The following RBM6 variants were observed in gnomAD, a reference collection of about 807,000 sequenced individuals.
RBM6 encodes the protein RNA binding motif protein 6.
In RBM6, 23 loss-of-function variants were observed where a neutral mutation model predicts 140.4. That is an observed-to-expected ratio of 0.16 (90% CI 0.12 to 0.23). The LOEUF is 0.23. Among genes scored for constraint, RBM6 ranks in the 10% least tolerant of loss-of-function variants. RBM6 has a pLI of 1.00. For synonymous variants in RBM6, 439 were observed against 475.6 expected (o/e 0.92, Z 1.00); for missense variants, 1,139 against 1,386.7 (o/e 0.82, Z 2.84).
intron 15 of RBM6, among the ~76,000 whole-genome samples, chr3:50,064,787 C>T (rs1157223631): frequency 6.6e-6 from 1 of 152,202 alleles, no homozygotes; most frequent in Non-Finnish European, 1.5e-5. Flanking sequence ...ATTCTCCTGC[C>T]TCAGCCTCCC....
At chr3:50,051,942 G>A (rs1396476308) in intron 7 of RBM6, among the ~76,000 whole-genome samples, 1 of 152,166 alleles carries the variant, frequency 6.6e-6, no homozygotes, top group Non-Finnish European at 1.5e-5. Context: ...GAATGGGGGA[G>A]GTAACTCCAC....
At chr3:50,058,591 A>G in intron 10 of RBM6, 29 bp downstream of exon 10, 4 of 1,568,144 alleles carry the variant, frequency 2.6e-6, no homozygotes, top group Non-Finnish European at 2.6e-6. Flanking sequence ...GGATTGGCCT[A>G]GAGACAGATG....
chr3:50,054,050 G>A (rs1183434171), intron 7 of RBM6: 2 of 326,120 alleles, frequency 6.1e-6, no homozygotes, highest in African/African-American at 4.2e-5. Context: ...CCATGTAACA[G>A]TAGTTTTCTA....
intron 5 of RBM6, among the ~76,000 whole-genome samples, chr3:49,985,083 G>A (rs2085499023): frequency 6.6e-6 from 1 of 152,162 alleles, no homozygotes. Context: ...CAAATGCTCA[G>A]GTAGCCTTGG....
intron 6 of RBM6, among the ~76,000 whole-genome samples, chr3:50,006,542 A>C (rs1173826495): frequency 6.6e-6 from 1 of 152,136 alleles, no homozygotes; most frequent in Non-Finnish European, 1.5e-5. Context: ...TCACTTTCTA[A>C]GGTGTACTTG....
chr3:50,064,287 A>T (rs2090043797), intron 15 of RBM6, among the ~76,000 whole-genome samples: 1 of 151,714 alleles, frequency 6.6e-6, no homozygotes, highest in Non-Finnish European at 1.5e-5. Context: ...GAGGAGAGAG[A>T]GTGTGTGTGT....
chr3:50,041,793 G>C (rs2088934936), intron 6 of RBM6, among the ~76,000 whole-genome samples: 1 of 152,130 alleles, frequency 6.6e-6, no homozygotes, highest in Non-Finnish European at 1.5e-5. Flanking sequence ...AGAAACAAGG[G>C]CTTTGTGGCA....
chr3:50,075,353 G>A (rs781607177), intron 20 of RBM6, 23 bp downstream of exon 20: 1 of 1,603,268 alleles, frequency 6.2e-7, no homozygotes, highest in Non-Finnish European at 8.5e-7. Flanking sequence ...CCATCTTTTG[G>A]GGGGTGACAT....
Position 49,972,120 on chromosome 3 carries a change from G to A in RBM6, c.1385G>A (p.Gly462Glu). Residue 462 changes from glycine (G) to glutamate (E), a missense_variant, in exon 4 of 21, where the codon GGG (glycine) becomes GAG (glutamate). By Grantham distance (98) the Gly-to-Glu change is moderately conservative (BLOSUM62 -2). Transcript: ENST00000266022. The stretch of plus-strand genomic sequence containing the variant: ...CCCAGCAGGCTTATTCGATTAAGTG[G>A]GGTACCTGAAGATGCCACAAAAGAA... ...EKPSRLIRLS[G>E]VPEDATKEEI... 6.2e-7 allele frequency: 1 copy of A among 1,612,974 alleles called. No individual in the cohort carries two copies. The highest frequency in any genetic ancestry group is 8.5e-7 in the Non-Finnish European group (1 of 1,179,142).
chr3:49,963,295 G>A (rs2108620693), intron 2 of RBM6, among the ~76,000 whole-genome samples: 1 of 151,828 alleles, frequency 6.6e-6, no homozygotes, highest in African/African-American at 2.4e-5. Context: ...GTGCAGTGGT[G>A]CGATCTTGAC....
chr3:49,990,752 T>C (rs1173948084), intron 5 of RBM6, among the ~76,000 whole-genome samples: 1 of 152,132 alleles, frequency 6.6e-6, no homozygotes, highest in Non-Finnish European at 1.5e-5. Context: ...TTCAGTGGTA[T>C]TTGCTTGACC....
At chr3:50,015,268 C>G (rs777778770) in intron 6 of RBM6, among the ~76,000 whole-genome samples, 2 of 150,948 alleles carry the variant, frequency 1.3e-5, no homozygotes, top group African/African-American at 4.9e-5. Context: ...CCACCACGCC[C>G]GGCTAATTTT....
chr3:50,039,485 C>T (rs1448744537), intron 6 of RBM6, among the ~76,000 whole-genome samples: 1 of 14,232 alleles, frequency 7.0e-5, no homozygotes, highest in South Asian at 0.017. Context: ...GTGATCCACC[C>T]CCCCCCCCCC....
At chr3:49,982,450 T>C (rs1360628565) in intron 5 of RBM6, among the ~76,000 whole-genome samples, 1 of 151,852 alleles carries the variant, frequency 6.6e-6, no homozygotes, top group Non-Finnish European at 1.5e-5. Context: ...GTTTCACTCT[T>C]GTTGCCCAGG....
At chr3:50,034,150 A>C (rs1468932272) in intron 6 of RBM6, among the ~76,000 whole-genome samples, 2 of 134,892 alleles carry the variant, frequency 1.5e-5, no homozygotes, top group Non-Finnish European at 3.1e-5. Flanking sequence ...CACTCAGCTA[A>C]TTTTTGTGTT....
Position 50,070,432 on chromosome 3 carries a change from TCTG to T in RBM6, c.3019-20_3019-18del. On this transcript the variant is annotated intron_variant, in intron 18 of 20. Transcript: ENST00000266022. ...AATTCCCTCAGGTGGCAATCTCAGG[TCTG>T]CTCTTCTGCTTACCAACAGGGAAAG... 6.4e-7 allele frequency: 1 copy of T among 1,570,738 alleles called. No individual in the cohort carries two copies. Among genetic ancestry groups the T allele is most frequent in the Non-Finnish European group, 8.8e-7 (1 of 1,140,866 alleles).
At chr3:49,949,888 A>G (rs943497887) in intron 1 of RBM6, among the ~76,000 whole-genome samples, 3 of 151,864 alleles carry the variant, frequency 2.0e-5, no homozygotes, top group Non-Finnish European at 2.9e-5. Flanking sequence ...ACGCTCAGCT[A>G]ATTTATGTAT....
intron 15 of RBM6, among the ~76,000 whole-genome samples, chr3:50,063,609 AAAG>A (rs2090018535): frequency 6.6e-6 from 1 of 151,228 alleles, no homozygotes; most frequent in African/African-American, 2.4e-5. Flanking sequence ...AAAAAAAAAA[AAAG>A]AAAATCTGCC....
intron 6 of RBM6, among the ~76,000 whole-genome samples, chr3:50,017,036 G>A (rs2087202022): frequency 6.6e-6 from 1 of 151,722 alleles, no homozygotes; most frequent in Admixed American, 6.6e-5. Context: ...ATGTTGTCCG[G>A]GCTGGTCTTG....
Sources: allele counts gnomAD v4.1 joint callset (sites outside exome capture counted in the v4.1 genomes callset), GRCh38; gene constraint gnomAD v4.1.1; transcripts MANE v1.5; gene names NCBI Gene and HGNC (gene_info 2026-07-23, HGNC 2026-07-21).